Variants in TASP1 observed in about 807,000 individuals in gnomAD.
The protein encoded by TASP1 is threonine aspartase 1.
A neutral mutation model predicts 56.6 loss-of-function variants in TASP1; 16 were observed. The observed-to-expected ratio is 0.28, with a 90% CI of 0.19 to 0.43. TASP1 has a LOEUF of 0.43. Among genes scored for constraint, TASP1 ranks in the 20% least tolerant of loss-of-function variants. The pLI, the probability that TASP1 is intolerant of heterozygous loss-of-function variation, is 1.00. For synonymous variants in TASP1, 179 were observed against 184.2 expected (o/e 0.97, Z 0.23); for missense variants, 393 against 511.6 (o/e 0.77, Z 2.24).
chr20:13,342,770 C>T, the TASP1 span, among the ~76,000 whole-genome samples: 2 of 152,156 alleles, frequency 1.3e-5, no homozygotes, highest in African/African-American at 4.8e-5. Context: ...TCAATGAAAT[C>T]ACACCCTCCC....
intron 10 of TASP1, among the ~76,000 whole-genome samples, chr20:13,505,319 C>T (rs1303405310): frequency 1.3e-5 from 2 of 152,094 alleles, no homozygotes; most frequent in East Asian, 1.9e-4. Context: ...TAGTAGAGAA[C>T]TTCAATATCC....
At chr20:13,143,340 TG>T in the TASP1 span, among the ~76,000 whole-genome samples, 12 of 152,182 alleles carry the variant, frequency 7.9e-5, no homozygotes, top group African/African-American at 2.9e-4. Flanking sequence ...CAAATAAATG[TG>T]TATGAAAGTA....
At chr20:13,586,312 G>C (rs1170045180) in intron 5 of TASP1, among the ~76,000 whole-genome samples, 2 of 151,778 alleles carry the variant, frequency 1.3e-5, no homozygotes, top group East Asian at 3.8e-4. Context: ...AAATACAGAA[G>C]TTATGGTATA....
chr20:13,390,751 A>C (rs2041241419), intron 13 of TASP1, among the ~76,000 whole-genome samples: 1 of 152,208 alleles, frequency 6.6e-6, no homozygotes, highest in African/African-American at 2.4e-5. Flanking sequence ...TAGTTTAATT[A>C]TATTCACAAG....
chr20:13,218,604 T>C, the TASP1 span, among the ~76,000 whole-genome samples: 1 of 152,088 alleles, frequency 6.6e-6, no homozygotes, highest in Non-Finnish European at 1.5e-5. Context: ...CTGAAGGAGG[T>C]AGGATTTTAA....
chr20:13,240,019 A>G, the TASP1 span, among the ~76,000 whole-genome samples: 1 of 152,230 alleles, frequency 6.6e-6, no homozygotes, highest in Admixed American at 6.5e-5. Context: ...AGGAGCAGAA[A>G]GGTAATTAAA....
At chr20:13,129,502 A>G in the TASP1 span, among the ~76,000 whole-genome samples, 7 of 152,238 alleles carry the variant, frequency 4.6e-5, no homozygotes, top group Admixed American at 3.9e-4. Flanking sequence ...AGTTAACTGA[A>G]TTGTCTCAGA....
chr20:13,116,323 T>C, the TASP1 span, among the ~76,000 whole-genome samples: 1 of 152,220 alleles, frequency 6.6e-6, no homozygotes. Context: ...TAAACGGTTG[T>C]TTGAATTGTT....
the TASP1 span, among the ~76,000 whole-genome samples, chr20:13,347,334 A>C: frequency 1.5e-3 from 231 of 152,310 alleles, no homozygotes; most frequent in Non-Finnish European, 3.0e-3. Flanking sequence ...TGGTCACATT[A>C]ACACACAAGT....
the TASP1 span, among the ~76,000 whole-genome samples, chr20:13,332,599 T>A: frequency 3.3e-5 from 5 of 152,336 alleles, no homozygotes; most frequent in South Asian, 6.2e-4. Context: ...CAAAACTAAC[T>A]TGACTGTTTT....
chr20:13,571,971 A>C (rs1342771231), intron 6 of TASP1, among the ~76,000 whole-genome samples: 1 of 152,142 alleles, frequency 6.6e-6, no homozygotes, highest in Non-Finnish European at 1.5e-5. Flanking sequence ...CTCCTTCATG[A>C]GGCTTCCTTA....
the TASP1 span, among the ~76,000 whole-genome samples, chr20:13,124,576 A>AG: frequency 6.6e-6 from 1 of 152,014 alleles, no homozygotes; most frequent in African/African-American, 2.4e-5. Flanking sequence ...GACGGGTGAA[A>AG]GGGGGGGATT....
At chr20:13,628,021 C>G (rs1202683140) in intron 2 of TASP1, among the ~76,000 whole-genome samples, 1 of 152,206 alleles carries the variant, frequency 6.6e-6, no homozygotes, top group Non-Finnish European at 1.5e-5. Context: ...ATTTTTCTAT[C>G]TCTACCTACA....
At chr20:13,207,740 G>A in the TASP1 span, among the ~76,000 whole-genome samples, 1 of 152,158 alleles carries the variant, frequency 6.6e-6, no homozygotes. Flanking sequence ...GTTTTACTCA[G>A]TCCACCAATT....
intron 12 of TASP1, among the ~76,000 whole-genome samples, chr20:13,432,468 T>C (rs2042844382): frequency 6.6e-6 from 1 of 152,224 alleles, no homozygotes; most frequent in African/African-American, 2.4e-5. Flanking sequence ...CTTTGTTTCC[T>C]ATCCTTCTAT....
At chr20:13,220,207 C>G in the TASP1 span, among the ~76,000 whole-genome samples, 1 of 152,218 alleles carries the variant, frequency 6.6e-6, no homozygotes, top group Non-Finnish European at 1.5e-5. Flanking sequence ...ATAAAAGTCC[C>G]GGCCGGACTG....
At chr20:13,453,510 G>A (rs6033713) in intron 11 of TASP1, among the ~76,000 whole-genome samples, 2 of 152,010 alleles carry the variant, frequency 1.3e-5, no homozygotes, top group Non-Finnish European at 2.9e-5. Flanking sequence ...TGGAAGACTC[G>A]CATTGTAAAC....
At chr20:13,154,963 C>A in the TASP1 span, among the ~76,000 whole-genome samples, 1 of 151,752 alleles carries the variant, frequency 6.6e-6, no homozygotes, top group Admixed American at 6.6e-5. Flanking sequence ...GGTGGATCAC[C>A]TGAGGTCAGG....
At chr20:13,620,299 C>CACACACACAT (rs1436981219) in intron 4 of TASP1, among the ~76,000 whole-genome samples, 1 of 150,632 alleles carries the variant, frequency 6.6e-6, no homozygotes, top group African/African-American at 2.4e-5. Context: ...CACACACACA[C>CACACACACAT]ATACATATAC....
Sources: gnomAD v4.1 joint callset for allele counts (sites outside exome capture counted in the v4.1 genomes callset) on GRCh38, gnomAD v4.1.1 for gene constraint, MANE v1.5 for transcripts, NCBI Gene and HGNC (gene_info 2026-07-23, HGNC 2026-07-21) for gene names.